Variants in DZIP1L observed in about 807,000 individuals in gnomAD.
DZIP1L encodes the protein DAZ interacting zinc finger protein 1 like.
Under a neutral mutation model 88.7 loss-of-function variants are expected in DZIP1L, and 90 were observed. The ratio of observed to expected loss-of-function variants is 1.02; its 90% CI spans 0.86 to 1.21. The LOEUF (loss-of-function observed/expected upper bound fraction) is 1.21. Ranked by LOEUF, DZIP1L falls within the 50% of genes most tolerant of loss-of-function variation. The pLI, the probability that DZIP1L is intolerant of heterozygous loss-of-function variation, is 0.00. For missense variants in DZIP1L, 932 were observed against 955.8 expected, an observed-to-expected ratio of 0.98 and a Z score of 0.33; for synonymous variants, 363 against 372.1, an observed-to-expected ratio of 0.98 and a Z score of 0.28.
intron 5 of DZIP1L, 46 bp from the exon 6 acceptor site, chr3:138,088,553 T>A (rs762570230): frequency 1.3e-6 from 2 of 1,598,234 alleles, no homozygotes; most frequent in Admixed American, 1.7e-5. Flanking sequence ...GATCTCATCA[T>A]GATGTTGTCT....
intron 7 of DZIP1L, among the ~76,000 whole-genome samples, chr3:138,086,066 A>G (rs1454563913): frequency 6.7e-6 from 1 of 149,160 alleles, no homozygotes; most frequent in Non-Finnish European, 1.5e-5. Flanking sequence ...ATGAGAACAC[A>G]TGGACCCAGG....
At chr3:138,066,206 C>T (rs889045486) in intron 14 of DZIP1L, among the ~76,000 whole-genome samples, 4 of 152,216 alleles carry the variant, frequency 2.6e-5, no homozygotes, top group Admixed American at 1.3e-4. Context: ...GTGTGTTACA[C>T]TCTATGTGTT....
chr3:138,103,480 G>T lies in DZIP1L; in HGVS notation c.492C>A (p.Ser164Arg). 6.2e-7 allele frequency: 1 copy of T among 1,600,034 alleles called. No homozygotes were observed. Among genetic ancestry groups the T allele is most frequent in the South Asian group, 1.1e-5 (1 of 90,190 alleles). Residue 164 changes from serine to arginine, a missense_variant, in exon 2 of 16, where the codon AGC (serine) becomes AGA (arginine). Transcript: ENST00000327532. Reference protein sequence around the residue: ...QQLLMQTGTHSYHTCHLCDKT... With the variant: ...QQLLMQTGTHRYHTCHLCDKT... ...GGTGGAGATTCCTCACCGTGTGGTAGCTGTGGGTGCCTGTCTGCATTAGCA... is the reference window on the plus strand; with the variant it reads ...GGTGGAGATTCCTCACCGTGTGGTATCTGTGGGTGCCTGTCTGCATTAGCA...
In DZIP1L at chr3:138,062,013, A is replaced by C. The variant is rs895581564; in HGVS notation, c.*803T>G. On this transcript the variant is annotated 3_prime_UTR_variant, in exon 16 of 16. Transcript: ENST00000327532. The stretch of plus-strand genomic sequence containing the variant: ...AGTTAAAAACATTGTACTATATTTA[A>C]ATGTTTGCATATAATATATTAATGT... 3.3e-5 allele frequency: 5 copies of C among 152,680 alleles called. No homozygotes were observed. The highest frequency in any genetic ancestry group is 1.2e-4 in the African/African-American group (5 of 41,466). The allele number at this position is 152,680 out of a possible 1,614,324, so 9.5% of individuals were successfully genotyped here.
At chr3:138,106,965 G>A (rs1576507481) in intron 1 of DZIP1L, among the ~76,000 whole-genome samples, 2 of 152,316 alleles carry the variant, frequency 1.3e-5, no homozygotes, top group Admixed American at 1.3e-4. Flanking sequence ...GGCAGTGACA[G>A]GCCAGCCCTG....
intron 10 of DZIP1L, 94 bp downstream of exon 10, chr3:138,080,473 T>G (rs547376912): frequency 1.4e-6 from 2 of 1,392,906 alleles, no homozygotes; most frequent in South Asian, 1.2e-5. Flanking sequence ...GCTTCGGATG[T>G]CCAGATACAG....
At chr3:138,102,002 A>G in intron 2 of DZIP1L, 1 of 1,526,588 alleles carries the variant, frequency 6.6e-7, no homozygotes. Context: ...CAGAGATCTC[A>G]GTCTTTGTAT....
At chr3:138,065,063 C>T (rs553715759) in intron 14 of DZIP1L, among the ~76,000 whole-genome samples, 2 of 152,230 alleles carry the variant, frequency 1.3e-5, no homozygotes, top group Non-Finnish European at 1.5e-5. Context: ...AGGACCTCTG[C>T]TCAGTGTGGG....
chr3:138,098,412 CAGAGGCAG>C (rs1361727543), intron 2 of DZIP1L, among the ~76,000 whole-genome samples: 1 of 152,108 alleles, frequency 6.6e-6, no homozygotes, highest in African/African-American at 2.4e-5. Flanking sequence ...GGAGAAACAC[CAGAGGCAG>C]AGAGGTTAGC....
intron 5 of DZIP1L, chr3:138,089,044 G>A (rs1361109872): frequency 1.0e-6 from 1 of 985,350 alleles, no homozygotes; most frequent in Non-Finnish European, 1.2e-6. Flanking sequence ...ATCAAAGAGA[G>A]GATGCCTTTC....
chr3:138,062,734 G>A lies in DZIP1L; in HGVS notation c.*82C>T, dbSNP rs1034506817. On this transcript the variant is annotated 3_prime_UTR_variant, in exon 16 of 16. Transcript: ENST00000327532. ...TCTTGGTTGTTTGTGAAGACAAGAGGCCCAGCAGCCTCTTCTGTTGAAGTG... is the reference window on the plus strand; with the variant it reads ...TCTTGGTTGTTTGTGAAGACAAGAGACCCAGCAGCCTCTTCTGTTGAAGTG... 1 of 1,486,822 alleles carries A rather than the reference G, an allele frequency of 6.7e-7. No homozygotes were observed. Among genetic ancestry groups the A allele is most frequent in the African/African-American group, 1.4e-5 (1 of 71,708 alleles). The allele number at this position is 1,486,822 out of a possible 1,614,324, so 92.1% of individuals were successfully genotyped here. A position where few individuals can be genotyped will look rare whatever the true frequency, so the allele number is the denominator to read the frequency against.
At chr3:138,095,438 A>T (rs1944424248) in intron 3 of DZIP1L, among the ~76,000 whole-genome samples, 1 of 88,062 alleles carries the variant, frequency 1.1e-5, no homozygotes, top group South Asian at 3.9e-4. Context: ...TTAAAGTAAT[A>T]AAAATCTGTA....
At chr3:138,111,582 C>A (rs2042620927) in intron 1 of DZIP1L, among the ~76,000 whole-genome samples, 1 of 152,242 alleles carries the variant, frequency 6.6e-6, no homozygotes. Flanking sequence ...CCACTCCCAA[C>A]TACACAGAAT....
At chr3:138,081,875 T>C in intron 8 of DZIP1L, 111 bp from the exon 9 acceptor site, 1 of 1,123,634 alleles carries the variant, frequency 8.9e-7, no homozygotes. Flanking sequence ...ACAGATTCCA[T>C]GACTCACGTT....
At position 138,077,428 on chromosome 3, in the gene DZIP1L, TTGTC is replaced by T. The variant is rs1943463244; in HGVS notation, c.1422+67_1422+70del. 5 of 1,582,758 alleles carry T rather than the reference TTGTC, an allele frequency of 3.2e-6. No homozygotes were observed. In the South Asian group the frequency reaches 4.6e-5, roughly 15 times the overall value. On this transcript the variant is annotated intron_variant, in intron 11 of 15. Transcript: ENST00000327532. ...CACAATGCAAAGAACAATCGATCAT[TTGTC>T]TGTCTGAGAACACTTAGTGTCTAAA...
At chr3:138,097,367 AGGCTTATTCGT>A (rs1172264859) in intron 3 of DZIP1L, among the ~76,000 whole-genome samples, 1 of 152,212 alleles carries the variant, frequency 6.6e-6, no homozygotes, top group Admixed American at 6.5e-5. Flanking sequence ...CACCCCATTT[AGGCTTATTCGT>A]GGCTGGCATC....
chr3:138,082,232 C>T (rs890168418), intron 8 of DZIP1L, among the ~76,000 whole-genome samples: 2 of 152,162 alleles, frequency 1.3e-5, no homozygotes, highest in Non-Finnish European at 2.9e-5. Context: ...CTGCTCAACC[C>T]CCCTGCTCCA....
rs202128493 is a variant in DZIP1L, at chr3:138,088,479, A to G, written c.899T>C (p.Val300Ala). The change falls in exon 6 of 16, where the codon GTG becomes GCG. Residue 300 changes from valine (V) to alanine (A), a missense_variant. By Grantham distance (64) the Val-to-Ala change is moderately conservative. Coordinates refer to ENST00000327532, the MANE Select transcript of DZIP1L (RefSeq NM_173543.3). ...EKLRALQSHSVMESKLGSLRD... is the reference protein window; with the variant it reads ...EKLRALQSHSAMESKLGSLRD... ...CAGTGATCCCAGCTTGGACTCCATC[A>G]CACTGTGGGACTGCAGTGCCCGCAG... 4.2e-5 allele frequency: 68 copies of G among 1,613,790 alleles called. No homozygotes were observed. The highest frequency in any genetic ancestry group is 2.7e-4 in the Admixed American group (16 of 59,982).
chr3:138,106,649 T>C (rs2042499512), intron 1 of DZIP1L, among the ~76,000 whole-genome samples: 2 of 150,972 alleles, frequency 1.3e-5, no homozygotes, highest in Admixed American at 6.6e-5. Context: ...CTGGCCAACA[T>C]GGTGAAACCC....
Sources: gnomAD v4.1 joint callset for allele counts (sites outside exome capture counted in the v4.1 genomes callset) on GRCh38, gnomAD v4.1.1 for gene constraint, MANE v1.5 for transcripts, NCBI Gene and HGNC (gene_info 2026-07-23, HGNC 2026-07-21) for gene names.